PREX1: variants seen among roughly 807,000 people sequenced by gnomAD.
PREX1 encodes the protein phosphatidylinositol-3,4,5-trisphosphate dependent Rac exchange factor 1, also known as phosphatidylinositol 3,4,5-trisphosphate-dependent Rac exchanger 1 protein.
Under a neutral mutation model 198.3 loss-of-function variants are expected in PREX1, and 41 were observed. That is an observed-to-expected ratio of 0.21 (90% confidence interval 0.16 to 0.27). The LOEUF (loss-of-function observed/expected upper bound fraction) is 0.27, where lower values mean the gene tolerates loss of function less well. Ranked by LOEUF, PREX1 falls within the 10% of genes least tolerant of loss-of-function variation. The pLI is 1.00. For missense variants in PREX1, 1,620 were observed against 2,200.7 expected (o/e 0.74, Z 5.28); for synonymous variants, 843 against 887.2 (o/e 0.95, Z 0.89).
chr20:48,835,179 G>A, the PREX1 span, among the ~76,000 whole-genome samples: 287 of 152,346 alleles, frequency 1.9e-3, 1 homozygote, highest in Non-Finnish European at 3.4e-3. Flanking sequence ...CAGGTGGGCT[G>A]TGGGAATCTT....
At chr20:48,833,375 T>C in the PREX1 span, among the ~76,000 whole-genome samples, 1 of 152,192 alleles carries the variant, frequency 6.6e-6, no homozygotes, top group African/African-American at 2.4e-5. Flanking sequence ...TCTAGACTTC[T>C]TGTATTAAAA....
intron 1 of PREX1, among the ~76,000 whole-genome samples, chr20:48,810,070 G>C (rs771052316): frequency 3.3e-5 from 5 of 152,158 alleles, no homozygotes; most frequent in Non-Finnish European, 7.3e-5. Flanking sequence ...GGAATGCTGT[G>C]CGCGGCTCCT....
chr20:48,636,433 C>A (rs752896267), intron 32 of PREX1, 30 bp downstream of exon 32: 2 of 1,564,992 alleles, frequency 1.3e-6, no homozygotes, highest in Non-Finnish European at 1.7e-6. Flanking sequence ...GGTGGGCCAG[C>A]GGGGCCGCCC....
At chr20:48,638,930 G>A (rs1241834988) in intron 30 of PREX1, among the ~76,000 whole-genome samples, 1 of 152,200 alleles carries the variant, frequency 6.6e-6, no homozygotes, top group African/African-American at 2.4e-5. Flanking sequence ...CTCCTCACTG[G>A]TTACACTTTT....
chr20:48,816,948 A>G (rs1002901067), intron 1 of PREX1, among the ~76,000 whole-genome samples: 6 of 152,234 alleles, frequency 3.9e-5, no homozygotes, highest in Middle Eastern at 3.2e-3. Context: ...CTTGTTTGGC[A>G]GCAACAGATA....
chr20:48,668,276 G>A (rs530054323), intron 14 of PREX1, among the ~76,000 whole-genome samples: 4 of 152,196 alleles, frequency 2.6e-5, no homozygotes, highest in Non-Finnish European at 4.4e-5. Context: ...CAGCACGGCC[G>A]ACCAGGGGAG....
the PREX1 span, among the ~76,000 whole-genome samples, chr20:48,883,429 C>A: frequency 6.6e-5 from 10 of 152,006 alleles, no homozygotes; most frequent in Non-Finnish European, 1.3e-4. Flanking sequence ...GAAAAGGCAT[C>A]CAGTTTAGAA....
At chr20:48,726,846 G>C (rs1342310729) in intron 4 of PREX1, among the ~76,000 whole-genome samples, 1 of 152,200 alleles carries the variant, frequency 6.6e-6, no homozygotes, top group Non-Finnish European at 1.5e-5. Flanking sequence ...TCCATCACCT[G>C]AGAATGGAAA....
upstream of PREX1, among the ~76,000 whole-genome samples, chr20:48,831,173 G>A (rs962624155): frequency 1.3e-5 from 2 of 152,130 alleles, no homozygotes; most frequent in African/African-American, 4.8e-5. Flanking sequence ...TCCAATGAAG[G>A]AAAGAAAAGT....
chr20:48,628,973 G>A (rs1040278900), intron 37 of PREX1, among the ~76,000 whole-genome samples: 5 of 152,182 alleles, frequency 3.3e-5, no homozygotes, highest in African/African-American at 1.2e-4. Flanking sequence ...GAGGGCTGCA[G>A]AGGAAGAGAG....
chr20:48,714,828 CTTA>C (rs1020679013), intron 5 of PREX1, among the ~76,000 whole-genome samples: 8 of 152,122 alleles, frequency 5.3e-5, no homozygotes, highest in African/African-American at 1.9e-4. Flanking sequence ...TTTTCCATCT[CTTA>C]TTTGAAAAAG....
intron 27 of PREX1, among the ~76,000 whole-genome samples, chr20:48,644,192 T>A (rs925429380): frequency 6.6e-6 from 1 of 152,182 alleles, no homozygotes; most frequent in Non-Finnish European, 1.5e-5. Context: ...GGCGGAGATG[T>A]TTGTTTCTTT....
intron 9 of PREX1, among the ~76,000 whole-genome samples, chr20:48,690,472 G>A (rs2089812566): frequency 1.3e-5 from 2 of 152,050 alleles, no homozygotes. Context: ...CACAGTTGTT[G>A]CACGCCCACC....
intron 3 of PREX1, 96 bp from the exon 4 acceptor site, chr20:48,734,746 G>T (rs971780649): frequency 2.8e-5 from 28 of 1,013,194 alleles, no homozygotes; most frequent in Non-Finnish European, 4.0e-5. Context: ...GTAGGGGTAA[G>T]GACTACCCTG....
In PREX1 at chr20:48,642,063, C is replaced by T. The variant is rs929586880; in HGVS notation, c.3775+105G>A. On this transcript the variant is annotated intron_variant, in intron 29 of 39. Coordinates refer to ENST00000371941, the MANE Select transcript of PREX1 (RefSeq NM_020820.4). The stretch of plus-strand genomic sequence containing the variant: ...ATCGCTGTCCTGATGATCCTACAGT[C>T]GTTCAGCAGTAGGAGGGCAGAGCTG... 1.6e-5 allele frequency: 19 copies of T among 1,160,728 alleles called. No individual in the cohort carries two copies. In the African/African-American group the frequency reaches 1.6e-4, roughly 10 times the overall value. 71.9% of individuals were successfully genotyped at this position (1,160,728 alleles called of 1,614,324 possible).
At chr20:48,759,845 C>G (rs2090171519) in intron 1 of PREX1, among the ~76,000 whole-genome samples, 1 of 152,126 alleles carries the variant, frequency 6.6e-6, no homozygotes, top group African/African-American at 2.4e-5. Context: ...GAGCTCACAC[C>G]TGTAATCCTA....
rs766459772 is a variant in PREX1, at chr20:48,642,419, G to A, written c.3672C>T (p.His1224=). 1 of 1,613,174 alleles carries A rather than the reference G, an allele frequency of 6.2e-7. No homozygotes were observed. The highest frequency in any genetic ancestry group is 8.5e-7 in the Non-Finnish European group (1 of 1,179,326). ...KQDKLHGCLE[H]LFNQVDSINA... ...GCAAAGGTCCTACCTGGTTAAAGAG[G>A]TGCTCCAGGCAGCCATGAAGCTTGT... Residue 1224 remains histidine, a synonymous_variant, in exon 28 of 40, where the codon CAC becomes CAT. Transcript: ENST00000371941.
intron 27 of PREX1, chr20:48,642,750 T>G: frequency 5.4e-6 from 2 of 371,736 alleles, no homozygotes; most frequent in Non-Finnish European, 9.7e-6. Flanking sequence ...ATTCTGCAAA[T>G]GAGGGACTGA....
chr20:48,753,787 C>G (rs2090144662), intron 1 of PREX1, among the ~76,000 whole-genome samples: 1 of 152,152 alleles, frequency 6.6e-6, no homozygotes. Context: ...CCAAGACATT[C>G]AATTGGCAGG....
Sources: gnomAD v4.1 joint callset for allele counts (sites outside exome capture counted in the v4.1 genomes callset) on GRCh38, gnomAD v4.1.1 for gene constraint, MANE v1.5 for transcripts, NCBI Gene and HGNC (gene_info 2026-07-23, HGNC 2026-07-21) for gene names.